Variants in KALRN observed in about 807,000 individuals in gnomAD.
The protein encoded by KALRN is kalirin.
A neutral mutation model predicts 353.7 loss-of-function variants in KALRN; 70 were observed. That is an observed-to-expected ratio of 0.20 (90% confidence interval 0.16 to 0.24). KALRN has a LOEUF of 0.24. Ranked by LOEUF, KALRN falls within the 10% of genes least tolerant of loss-of-function variation. KALRN has a pLI of 1.00. For synonymous variants in KALRN, 1,391 were observed against 1,434.8 expected (o/e 0.97, Z 0.69); for missense variants, 2,791 against 3,756.7 (o/e 0.74, Z 6.72).
At chr3:124,677,529 C>G in intron 49 of KALRN, 1 of 454,366 alleles carries the variant, frequency 2.2e-6, no homozygotes, top group Non-Finnish European at 4.4e-6. Flanking sequence ...CCTCTACAGG[C>G]TGACAAAGCC....
intron 1 of KALRN, among the ~76,000 whole-genome samples, chr3:124,106,059 T>C (rs2062277645): frequency 6.6e-6 from 1 of 152,106 alleles, no homozygotes; most frequent in South Asian, 2.1e-4. Context: ...AATACACAAG[T>C]CAAAGTAACA....
At chr3:124,066,978 A>G (rs544204333) in intron 1 of KALRN, among the ~76,000 whole-genome samples, 26 of 152,326 alleles carry the variant, frequency 1.7e-4, no homozygotes, top group African/African-American at 6.0e-4. Context: ...CACAAACTCC[A>G]CTTTCTAAGG....
chr3:124,623,399 T>TACACAC (rs372330681), intron 34 of KALRN, among the ~76,000 whole-genome samples: 3,525 of 136,488 alleles, frequency 0.026, 79 homozygotes, highest in East Asian at 0.11. Context: ...TATTTATTTA[T>TACACAC]ACACACACAC....
At chr3:124,237,462 A>G (rs2079925528) in intron 3 of KALRN, among the ~76,000 whole-genome samples, 1 of 150,926 alleles carries the variant, frequency 6.6e-6, no homozygotes, top group Non-Finnish European at 1.5e-5. Flanking sequence ...TCCCAGGTTC[A>G]AGTGATTCTT....
At chr3:124,498,717 T>A (rs2064163119) in intron 33 of KALRN, among the ~76,000 whole-genome samples, 1 of 152,086 alleles carries the variant, frequency 6.6e-6, no homozygotes, top group Admixed American at 6.6e-5. Flanking sequence ...AAGGGGAAGA[T>A]CAGTCTAGTA....
rs540403137 is a variant in KALRN at position 124,141,694 on chromosome 3, G to T, written c.74-86296G>T. ...CAATGAAGGGTGTTGGTTAGTGACT[G>T]CCTGGTTCTCATTCTTTCTGCGTTC... On this transcript the variant is annotated intron_variant, in intron 1 of 59. Transcript: ENST00000682506. Among the ~76,000 whole-genome samples the T allele has an allele frequency of 2.0e-5, 3 of 152,316 alleles. 1 individual carries two copies. The South Asian group carries it at 6.2e-4, about 32-fold the overall frequency.
chr3:124,460,605 TGTTGCTTAC>T (rs1251318989), intron 23 of KALRN, among the ~76,000 whole-genome samples: 1 of 152,366 alleles, frequency 6.6e-6, no homozygotes, highest in Middle Eastern at 3.4e-3. Flanking sequence ...GCACTAGGCA[TGTTGCTTAC>T]GTGATCTTGT....
chr3:124,290,662 C>G (rs1407909968), intron 5 of KALRN, among the ~76,000 whole-genome samples: 2 of 151,924 alleles, frequency 1.3e-5, no homozygotes, highest in African/African-American at 4.8e-5. Flanking sequence ...TTTCTTGGTG[C>G]CTTAGTTTCC....
chr3:124,468,173 T>TA lies in KALRN; in HGVS notation c.4031+5541dup, dbSNP rs201417827. Among the ~76,000 whole-genome samples, 408 of 152,362 alleles carry TA rather than the reference T, an allele frequency of 2.7e-3. 7 individuals carry two copies. The highest frequency in any genetic ancestry group is 0.023 in the Admixed American group (352 of 15,312). The stretch of plus-strand genomic sequence containing the variant: ...AAAAAGACTGTACATTATGCCCTGA[T>TA]ATACGCATGCATATATGCTATATAT... On this transcript the variant is annotated intron_variant, in intron 25 of 59. Transcript: ENST00000682506.
At chr3:124,468,607 A>G (rs1361690543) in intron 25 of KALRN, among the ~76,000 whole-genome samples, 1 of 152,230 alleles carries the variant, frequency 6.6e-6, no homozygotes, top group East Asian at 1.9e-4. Context: ...TAGAATTATC[A>G]AATATAAAAG....
chr3:124,304,127 A>AACACACACAC (rs3055892), intron 6 of KALRN, among the ~76,000 whole-genome samples: 2,500 of 147,480 alleles, frequency 0.017, 81 homozygotes, highest in East Asian at 0.17. Context: ...TTTTGTTGTA[A>AACACACACAC]ACACACACAC....
At position 124,490,835 on chromosome 3, in the gene KALRN, T is replaced by G; in HGVS notation, c.4538T>G (p.Ile1513Ser). 6.2e-7 allele frequency: 1 copy of G among 1,613,864 alleles called. No homozygotes were observed. The highest frequency in any genetic ancestry group is 1.1e-5 in the South Asian group (1 of 91,058). Residue 1513 changes from isoleucine (I) to serine (S), a missense_variant, in exon 30 of 60, where the codon ATC becomes AGC. Physicochemically the swap from Ile to Ser is moderately radical, Grantham distance 142. Coordinates refer to ENST00000682506, the MANE Select transcript of KALRN (RefSeq NM_001388419.1). ...FEISLVFSKE[I>S]KDSSGHTKYV... ...ATCTCCTTGGTTTTTAGCAAGGAGA[T>G]CAAAGATTCTTCAGGACACACGAAA...
Position 124,671,662 on chromosome 3 carries a change from C to A in KALRN, c.6706C>A (p.Leu2236Met). Residue 2236 changes from leucine (L) to methionine (M), a missense_variant and splice_region_variant, in exon 48 of 60, where the codon CTG (leucine) becomes ATG (methionine). By Grantham distance (15) the Leu-to-Met change is conservative. Coordinates refer to ENST00000682506, the MANE Select transcript of KALRN (RefSeq NM_001388419.1). ...LETQRDFLNA[L>M]QSPIEYQRKE... ...AACCACCTGCTCTTATCCCACAGCA[C>A]TGCAATCGCCCATTGAGTATCAACG... 1 of 1,611,148 alleles carries A rather than the reference C, an allele frequency of 6.2e-7. No homozygotes were observed. The highest frequency in any genetic ancestry group is 8.5e-7 in the Non-Finnish European group (1 of 1,177,288).
intron 1 of KALRN, among the ~76,000 whole-genome samples, chr3:124,218,214 C>T (rs944206368): frequency 6.6e-6 from 1 of 152,108 alleles, no homozygotes; most frequent in African/African-American, 2.4e-5. Flanking sequence ...CACAGAGCCC[C>T]AAACTGACTT....
intron 10 of KALRN, among the ~76,000 whole-genome samples, chr3:124,362,780 A>T (rs901734552): frequency 3.3e-5 from 5 of 152,230 alleles, no homozygotes; most frequent in Non-Finnish European, 7.3e-5. Context: ...CTAAAATGGG[A>T]ACTCCAAATC....
At chr3:124,718,814 G>C (rs2063287092) in intron 59 of KALRN, 111 bp from the exon 60 acceptor site, 1 of 1,003,686 alleles carries the variant, frequency 1.0e-6, no homozygotes, top group African/African-American at 1.6e-5. Flanking sequence ...TACACCATAG[G>C]CTTTATCAAA....
At chr3:124,686,722 A>G (rs369315121) in intron 51 of KALRN, among the ~76,000 whole-genome samples, 138 of 151,490 alleles carry the variant, frequency 9.1e-4, no homozygotes, top group African/African-American at 2.0e-3. Flanking sequence ...AAGGAACAGC[A>G]GTAGGTTTTA....
At chr3:124,613,289 C>A (rs1561424498) in intron 34 of KALRN, among the ~76,000 whole-genome samples, 2 of 152,334 alleles carry the variant, frequency 1.3e-5, no homozygotes, top group East Asian at 3.9e-4. Flanking sequence ...CCGTGTCCAT[C>A]TTTTCATGTT....
intron 1 of KALRN, among the ~76,000 whole-genome samples, chr3:124,048,467 A>C (rs1456048075): frequency 6.6e-6 from 1 of 150,946 alleles, no homozygotes; most frequent in Non-Finnish European, 1.5e-5. Context: ...TTTCTATGTC[A>C]GTACCTATAG....
Sources: gnomAD v4.1 joint callset for allele counts (sites outside exome capture counted in the v4.1 genomes callset) on GRCh38, gnomAD v4.1.1 for gene constraint, MANE v1.5 for transcripts, NCBI Gene and HGNC (gene_info 2026-07-23, HGNC 2026-07-21) for gene names.